The following VPS41 variants were observed in gnomAD, a reference collection of about 807,000 sequenced individuals.
VPS41 encodes the protein VPS41 subunit of HOPS complex, also known as vacuolar protein sorting-associated protein 41 homolog.
In VPS41, 85 loss-of-function variants were observed where a neutral mutation model predicts 130.9. The observed-to-expected ratio is 0.65, with a 90% CI of 0.55 to 0.78. The LOEUF is 0.78. Among genes scored for constraint, VPS41 ranks in the 30% least tolerant of loss-of-function variants. The probability of loss-of-function intolerance (pLI) is 0.00; values close to 1 mark genes in which losing one functional copy is unlikely to be tolerated. For missense variants in VPS41, 874 were observed against 1,018.7 expected, an observed-to-expected ratio of 0.86 and a Z score of 1.93; for synonymous variants, 335 against 332.9, an observed-to-expected ratio of 1.01 and a Z score of -0.07.
At chr7:38,897,215 T>G (rs1266733973) in intron 2 of VPS41, among the ~76,000 whole-genome samples, 1 of 122,772 alleles carries the variant, frequency 8.1e-6, no homozygotes, top group Non-Finnish European at 1.8e-5. Context: ...AAAAAAAAAT[T>G]TATATTATGC....
chr7:38,873,464 T>G (rs199766475), intron 2 of VPS41, among the ~76,000 whole-genome samples: 1 of 77,170 alleles, frequency 1.3e-5, no homozygotes, highest in African/African-American at 1.0e-4. Context: ...AGAAAAAAGG[T>G]TTTCATGCAG....
intron 2 of VPS41, among the ~76,000 whole-genome samples, chr7:38,870,195 G>A (rs1416998819): frequency 6.6e-6 from 1 of 152,156 alleles, no homozygotes; most frequent in Non-Finnish European, 1.5e-5. Context: ...GACCTGCGGG[G>A]CTAAGATATC....
intron 21 of VPS41, among the ~76,000 whole-genome samples, chr7:38,752,581 C>CA (rs1327668140): frequency 6.6e-6 from 1 of 152,156 alleles, no homozygotes; most frequent in African/African-American, 2.4e-5. Flanking sequence ...CTCTGAGACT[C>CA]AGTTTATCTA....
intron 4 of VPS41, among the ~76,000 whole-genome samples, chr7:38,847,308 A>G (rs1172894569): frequency 2.0e-5 from 3 of 152,186 alleles, no homozygotes; most frequent in Middle Eastern, 3.2e-3. Context: ...AAAAAAATAC[A>G]GCATCCTCTA....
chr7:38,803,196 C>A (rs1296590347), intron 7 of VPS41, among the ~76,000 whole-genome samples: 1 of 152,234 alleles, frequency 6.6e-6, no homozygotes, highest in African/African-American at 2.4e-5. Context: ...AGATTCTTAT[C>A]AGGCTGTAAT....
At chr7:38,864,707 T>C (rs568225051) in intron 3 of VPS41, among the ~76,000 whole-genome samples, 1 of 151,566 alleles carries the variant, frequency 6.6e-6, no homozygotes, top group East Asian at 1.9e-4. Context: ...TCTCAAATTT[T>C]ACCCACCTTC....
intron 22 of VPS41, among the ~76,000 whole-genome samples, chr7:38,747,845 T>C (rs1329099068): frequency 6.6e-6 from 1 of 152,192 alleles, no homozygotes; most frequent in Non-Finnish European, 1.5e-5. Flanking sequence ...TGCCATAGAA[T>C]AGCAAGGCTA....
At chr7:38,838,353 A>G (rs1785538622) in intron 4 of VPS41, among the ~76,000 whole-genome samples, 1 of 152,220 alleles carries the variant, frequency 6.6e-6, no homozygotes, top group Non-Finnish European at 1.5e-5. Context: ...ACCTTTTACC[A>G]TAACAGCAAT....
At chr7:38,797,861 C>G (rs769347528) in intron 7 of VPS41, among the ~76,000 whole-genome samples, 2 of 152,104 alleles carry the variant, frequency 1.3e-5, no homozygotes, top group Admixed American at 6.6e-5. Flanking sequence ...AGAGGAAGCA[C>G]AAAATAAAAT....
chr7:38,763,176 A>G (rs923778409), intron 17 of VPS41, among the ~76,000 whole-genome samples: 6 of 152,150 alleles, frequency 3.9e-5, no homozygotes, highest in Admixed American at 3.3e-4. Flanking sequence ...AGCAGCTGCT[A>G]TTGTATTTAT....
At chr7:38,838,350 A>G (rs1785538571) in intron 4 of VPS41, among the ~76,000 whole-genome samples, 2 of 152,204 alleles carry the variant, frequency 1.3e-5, no homozygotes, top group Admixed American at 1.3e-4. Flanking sequence ...TAAACCTTTT[A>G]CCATAACAGC....
At chr7:38,760,021 AT>A (rs1783879634) in intron 17 of VPS41, among the ~76,000 whole-genome samples, 1 of 152,116 alleles carries the variant, frequency 6.6e-6, no homozygotes, top group Admixed American at 6.5e-5. Context: ...CTCAAGTCTT[AT>A]CCCCTGGCTC....
At chr7:38,901,818 G>A (rs971989471) in intron 1 of VPS41, among the ~76,000 whole-genome samples, 9 of 152,160 alleles carry the variant, frequency 5.9e-5, no homozygotes, top group Non-Finnish European at 1.0e-4. Flanking sequence ...GATTGCTTAA[G>A]GCCAGGGAAT....
chr7:38,856,444 T>G (rs1785987454), intron 4 of VPS41, among the ~76,000 whole-genome samples: 1 of 152,134 alleles, frequency 6.6e-6, no homozygotes, highest in Non-Finnish European at 1.5e-5. Flanking sequence ...TAATTATACA[T>G]CCAATGGACA....
At chr7:38,771,275 TG>T in intron 13 of VPS41, 21 bp from the exon 14 acceptor site, 1 of 1,493,220 alleles carries the variant, frequency 6.7e-7, no homozygotes, top group Non-Finnish European at 8.9e-7. Context: ...AACATAAGGA[TG>T]ATTTAAAAAA....
rs114045823 is a variant in VPS41, at chr7:38,808,819, A to G, written c.450+8998T>C. On this transcript the variant is annotated intron_variant, in intron 7 of 28. Transcript: ENST00000310301. ...ATCTGACCCAAAGATGAACAAACAC[A>G]CGAGGAAGCACTCCTACACTTCATG... Among the ~76,000 whole-genome samples the G allele has an allele frequency of 2.0e-3, 307 of 152,256 alleles. 1 individual carries two copies. The highest frequency in any genetic ancestry group is 7.2e-3 in the African/African-American group (298 of 41,554).
intron 12 of VPS41, among the ~76,000 whole-genome samples, chr7:38,773,353 A>C (rs758583722): frequency 2.6e-5 from 4 of 152,202 alleles, no homozygotes; most frequent in Non-Finnish European, 5.9e-5. Flanking sequence ...CTTTTTGCCA[A>C]GTCTAGAATA....
intron 6 of VPS41, among the ~76,000 whole-genome samples, chr7:38,820,075 A>C (rs1785141594): frequency 6.6e-6 from 1 of 152,064 alleles, no homozygotes; most frequent in Non-Finnish European, 1.5e-5. Context: ...CCCATCCCCA[A>C]AGCGAGAACC....
intron 6 of VPS41, among the ~76,000 whole-genome samples, chr7:38,820,549 GTTTA>G (rs1785150570): frequency 6.6e-6 from 1 of 152,096 alleles, no homozygotes. Context: ...GCTTAGTTCA[GTTTA>G]TTTACTTTGT....
Sources: allele counts gnomAD v4.1 joint callset (sites outside exome capture counted in the v4.1 genomes callset), GRCh38; gene constraint gnomAD v4.1.1; transcripts MANE v1.5; gene names NCBI Gene and HGNC (gene_info 2026-07-23, HGNC 2026-07-21).